Variants in CCDC12 observed in about 807,000 individuals in gnomAD.
CCDC12 encodes coiled-coil domain containing 12, also known as coiled-coil domain-containing protein 12.
In CCDC12, 28 loss-of-function variants were observed where a neutral mutation model predicts 25.7. The observed-to-expected ratio is 1.09, with a 90% CI of 0.81 to 1.50. The LOEUF (loss-of-function observed/expected upper bound fraction) is 1.50, where lower values mean the gene tolerates loss of function less well. Among genes scored for constraint, CCDC12 ranks in the 40% most tolerant of loss-of-function variants. CCDC12 has a pLI of 0.00. For missense variants in CCDC12, 198 were observed against 210.0 expected (o/e 0.94, Z 0.35); for synonymous variants, 75 against 87.7 (o/e 0.86, Z 0.81).
At chr3:46,922,604 C>T (rs1476266054) in intron 5 of CCDC12, 4 of 481,128 alleles carry the variant, frequency 8.3e-6, no homozygotes, top group Non-Finnish European at 1.5e-5. Flanking sequence ...TTGCTCTGGT[C>T]CTCTGGTCAC....
chr3:46,977,791 G>A (rs2035044517), upstream of CCDC12, among the ~76,000 whole-genome samples: 1 of 152,302 alleles, frequency 6.6e-6, no homozygotes, highest in South Asian at 2.1e-4. Flanking sequence ...TGGGCCTCAA[G>A]TACTGCCCCC....
At chr3:46,928,164 G>A (rs552307015) in intron 2 of CCDC12, among the ~76,000 whole-genome samples, 2 of 152,188 alleles carry the variant, frequency 1.3e-5, no homozygotes, top group African/African-American at 2.4e-5. Flanking sequence ...CAGGAGAATC[G>A]CTTGAACTGA....
At chr3:46,959,405 G>A (rs1303124025) in intron 1 of CCDC12, among the ~76,000 whole-genome samples, 1 of 152,216 alleles carries the variant, frequency 6.6e-6, no homozygotes, top group Non-Finnish European at 1.5e-5. Context: ...CTACACTGTG[G>A]CTGGCACAGA....
intron 1 of CCDC12, among the ~76,000 whole-genome samples, chr3:46,961,715 C>A (rs981471712): frequency 6.6e-6 from 1 of 152,204 alleles, no homozygotes; most frequent in African/African-American, 2.4e-5. Flanking sequence ...TGAATTGGGA[C>A]TTAGAAGCAT....
intron 1 of CCDC12, among the ~76,000 whole-genome samples, chr3:46,968,066 G>A (rs2034691615): frequency 1.3e-5 from 2 of 152,094 alleles, no homozygotes; most frequent in Admixed American, 1.3e-4. Context: ...ACATATTGAG[G>A]GCCTCAGAAG....
intron 1 of CCDC12, among the ~76,000 whole-genome samples, chr3:46,964,113 G>A (rs1196643363): frequency 1.3e-5 from 2 of 148,636 alleles, no homozygotes; most frequent in South Asian, 2.1e-4. Context: ...CTGCGACCCC[G>A]TCTGGGAGGT....
chr3:46,956,254 G>A (rs964476356), intron 1 of CCDC12, among the ~76,000 whole-genome samples: 6 of 152,236 alleles, frequency 3.9e-5, no homozygotes, highest in East Asian at 3.8e-4. Flanking sequence ...CCCAGGGAAC[G>A]GTTATAAACA....
At chr3:46,933,443 A>G (rs1051534452) in intron 2 of CCDC12, among the ~76,000 whole-genome samples, 7 of 152,168 alleles carry the variant, frequency 4.6e-5, no homozygotes, top group Non-Finnish European at 1.0e-4. Flanking sequence ...GCCTACCCAA[A>G]GGCCCCTGAG....
intron 3 of CCDC12, chr3:46,925,062 T>C (rs1165719557): frequency 1.1e-5 from 4 of 369,130 alleles, no homozygotes; most frequent in Non-Finnish European, 2.1e-5. Flanking sequence ...TGTGGCTGAA[T>C]GACTGGCCCC....
In CCDC12 at chr3:46,923,349, G is replaced by A. The variant is rs898720596; in HGVS notation, c.321C>T (p.Leu107=). 1.2e-5 allele frequency: 18 copies of A among 1,491,744 alleles called. No individual in the cohort carries two copies. Among genetic ancestry groups the A allele is most frequent in the Middle Eastern group, 2.1e-4 (1 of 4,724 alleles). The allele number at this position is 1,491,744 out of a possible 1,614,324, so 92.4% of individuals were successfully genotyped here. The change falls in exon 5 of 7, where the codon CTC becomes CTT. Residue 107 remains leucine, a synonymous_variant. Coordinates refer to ENST00000683445, the MANE Select transcript of CCDC12 (RefSeq NM_001277074.2). ...CTCACCAGTCAGGCTTCCGAGGAGCGAGGTTGGCCAGGTCCTGGGAAGGGA... is the reference window on the plus strand; with the variant it reads ...CTCACCAGTCAGGCTTCCGAGGAGCAAGGTTGGCCAGGTCCTGGGAAGGGA... ...PVIEEVDLAN[L]APRKPDWDLK...
intron 5 of CCDC12, 181 bp from the exon 6 acceptor site, chr3:46,922,493 C>G (rs930829140): frequency 1.6e-6 from 1 of 643,780 alleles, no homozygotes; most frequent in Non-Finnish European, 2.7e-6. Flanking sequence ...CATAAACCAT[C>G]ATTCCCTGTC....
At chr3:46,922,791 T>C (rs2107097387) in intron 5 of CCDC12, 1 of 201,498 alleles carries the variant, frequency 5.0e-6, no homozygotes, top group South Asian at 9.3e-5. Flanking sequence ...AAACAGCTGG[T>C]GTTAACTCGA....
intron 1 of CCDC12, among the ~76,000 whole-genome samples, chr3:46,955,522 C>T (rs554870344): frequency 6.6e-6 from 1 of 152,140 alleles, no homozygotes; most frequent in African/African-American, 2.4e-5. Context: ...AGGGAAGATG[C>T]AGACTGAGCG....
intron 5 of CCDC12, chr3:46,923,045 G>A: frequency 2.9e-6 from 1 of 339,210 alleles, no homozygotes; most frequent in Non-Finnish European, 5.3e-6. Flanking sequence ...GGTTGGCCTT[G>A]CTCAAATGGG....
At chr3:46,922,794 T>C in intron 5 of CCDC12, 1 of 199,632 alleles carries the variant, frequency 5.0e-6, no homozygotes, top group South Asian at 9.5e-5. Flanking sequence ...CAGCTGGTGT[T>C]AACTCGACCA....
intron 5 of CCDC12, 185 bp downstream of exon 5, chr3:46,923,144 C>T: frequency 3.6e-6 from 2 of 559,326 alleles, no homozygotes; most frequent in East Asian, 7.0e-5. Flanking sequence ...CTCCATCACT[C>T]CCCTCTCATC....
chr3:46,940,070 G>C (rs1289125562), intron 2 of CCDC12, among the ~76,000 whole-genome samples: 1 of 152,212 alleles, frequency 6.6e-6, no homozygotes, highest in Non-Finnish European at 1.5e-5. Context: ...CCCAGGAAGA[G>C]AGCCCCATCT....
chr3:46,964,892 A>G (rs917607289), intron 1 of CCDC12, among the ~76,000 whole-genome samples: 4 of 152,146 alleles, frequency 2.6e-5, no homozygotes, highest in Non-Finnish European at 5.9e-5. Context: ...TCCCTCCACT[A>G]TTGTCCTATG....
intron 1 of CCDC12, among the ~76,000 whole-genome samples, chr3:46,958,936 A>T (rs1340756850): frequency 6.6e-6 from 1 of 152,140 alleles, no homozygotes; most frequent in Non-Finnish European, 1.5e-5. Context: ...TTTACAAGTC[A>T]ATTTCCAGGC....
Sources: allele counts gnomAD v4.1 joint callset (sites outside exome capture counted in the v4.1 genomes callset), GRCh38; gene constraint gnomAD v4.1.1; transcripts MANE v1.5; gene names NCBI Gene and HGNC (gene_info 2026-07-23, HGNC 2026-07-21).